Variants in AIG1 observed in about 807,000 individuals in gnomAD.
AIG1 encodes androgen induced 1.
Under a neutral mutation model 31.4 loss-of-function variants are expected in AIG1, and 23 were observed. The observed-to-expected ratio is 0.73, with a 90% confidence interval of 0.53 to 1.04. The LOEUF is 1.04. Among genes scored for constraint, AIG1 ranks in the 50% least tolerant of loss-of-function variants. The pLI is 0.00. For missense variants in AIG1, 274 were observed against 295.0 expected (o/e 0.93, Z 0.52); for synonymous variants, 100 against 110.5 (o/e 0.90, Z 0.60).
At chr6:143,343,120 GA>G, downstream of AIG1, 1 of 765,260 alleles carries the variant, frequency 1.3e-6, no homozygotes, top group Non-Finnish European at 2.4e-6. Context: ...TAAGATCCCA[GA>G]AGGGAGGCTT....
At chr6:143,076,431 T>A (rs1777732069) in intron 1 of AIG1, among the ~76,000 whole-genome samples, 1 of 152,180 alleles carries the variant, frequency 6.6e-6, no homozygotes, top group Non-Finnish European at 1.5e-5. Flanking sequence ...TTTTCCATAT[T>A]TTTACTTTTA....
intron 3 of AIG1, among the ~76,000 whole-genome samples, chr6:143,270,742 T>A (rs1796458666): frequency 1.3e-5 from 2 of 152,360 alleles, no homozygotes; most frequent in Non-Finnish European, 1.5e-5. Flanking sequence ...GTGATAGAGA[T>A]GACCTTGAAG....
At chr6:143,190,286 G>A (rs1016428372) in intron 3 of AIG1, 4 of 985,326 alleles carry the variant, frequency 4.1e-6, no homozygotes, top group African/African-American at 1.7e-5. Flanking sequence ...TGTAGGAGTC[G>A]AGAAACAGAA....
intron 3 of AIG1, among the ~76,000 whole-genome samples, chr6:143,193,889 A>G (rs774936414): frequency 3.9e-5 from 6 of 152,252 alleles, no homozygotes; most frequent in Non-Finnish European, 5.9e-5. Context: ...TCAGGGGTTT[A>G]GGAGGAAAGT....
intron 1 of AIG1, among the ~76,000 whole-genome samples, chr6:143,099,012 G>A (rs1468198598): frequency 6.6e-6 from 1 of 152,106 alleles, no homozygotes; most frequent in Non-Finnish European, 1.5e-5. Flanking sequence ...TCTTCATATT[G>A]ACTAAAGTGC....
chr6:143,229,766 G>A (rs570655617), intron 3 of AIG1, among the ~76,000 whole-genome samples: 9 of 107,834 alleles, frequency 8.3e-5, no homozygotes, highest in South Asian at 3.1e-4. Flanking sequence ...AATGCCTCTC[G>A]TTTCTGGACT....
At chr6:143,122,377 A>G (rs960289609) in intron 1 of AIG1, among the ~76,000 whole-genome samples, 5 of 152,162 alleles carry the variant, frequency 3.3e-5, no homozygotes, top group African/African-American at 1.2e-4. Context: ...GAATTTAAAC[A>G]TATACTTTGT....
chr6:143,084,247 G>A (rs1322531208), intron 1 of AIG1, among the ~76,000 whole-genome samples: 1 of 152,204 alleles, frequency 6.6e-6, no homozygotes, highest in East Asian at 1.9e-4. Context: ...AGTGGCTTCT[G>A]ACTCAGAGGA....
chr6:143,274,896 A>G (rs1435906005), intron 3 of AIG1, among the ~76,000 whole-genome samples: 2 of 152,218 alleles, frequency 1.3e-5, no homozygotes, highest in Non-Finnish European at 2.9e-5. Context: ...AAATATGATA[A>G]CAGTGGGAAA....
chr6:143,258,543 C>T lies in AIG1; in HGVS notation c.400-25567C>T, dbSNP rs1795523575. 6.6e-6 allele frequency among the ~76,000 whole-genome samples: 1 copy of T among 152,162 alleles called. No homozygotes were observed. Among genetic ancestry groups the T allele is most frequent in the Non-Finnish European group, 1.5e-5 (1 of 68,032 alleles). On this transcript the variant is annotated intron_variant, in intron 3 of 5. Coordinates refer to ENST00000357847, the MANE Select transcript of AIG1 (RefSeq NM_016108.4). The surrounding 1 kb of genome is among the most constrained non-coding windows in gnomAD (Gnocchi z 4.7). ...TTCTTGCAAATGCTTCTGACTGCAG[C>T]CTCTGCCAGCTAATGGAGGTATTTT...
At chr6:143,335,335 C>A (rs1353053235) in intron 5 of AIG1, 4 of 296,328 alleles carry the variant, frequency 1.3e-5, no homozygotes, top group Non-Finnish European at 2.5e-5. Flanking sequence ...AGATGGAGAC[C>A]ATCCTGGCCA....
At chr6:143,144,754 A>C (rs553305644) in intron 2 of AIG1, among the ~76,000 whole-genome samples, 1 of 152,144 alleles carries the variant, frequency 6.6e-6, no homozygotes, top group South Asian at 2.1e-4. Flanking sequence ...TATTTTATCC[A>C]TGATGATTAC....
At chr6:143,283,534 T>C (rs1178719495) in intron 3 of AIG1, among the ~76,000 whole-genome samples, 1 of 152,228 alleles carries the variant, frequency 6.6e-6, no homozygotes, top group Non-Finnish European at 1.5e-5. Flanking sequence ...TTTTAATAAA[T>C]GAAAGGTTGA....
chr6:143,237,563 G>T (rs1464768518), intron 3 of AIG1, among the ~76,000 whole-genome samples: 1 of 152,130 alleles, frequency 6.6e-6, no homozygotes, highest in African/African-American at 2.4e-5. Flanking sequence ...CCAATATTTA[G>T]TATGCATGTC....
At chr6:143,189,370 C>T (rs1789580290) in intron 3 of AIG1, 1 of 974,362 alleles carries the variant, frequency 1.0e-6, no homozygotes, top group Non-Finnish European at 1.2e-6. Context: ...GCATGAGCTA[C>T]CACACCCAGC....
rs780615123 is a variant in AIG1 at position 143,284,190 on chromosome 6, C to T, written c.480C>T (p.Thr160=). 49 of 1,613,646 alleles carry T rather than the reference C, an allele frequency of 3.0e-5. No homozygotes were observed. Among genetic ancestry groups the T allele is most frequent in the Non-Finnish European group, 3.6e-5 (43 of 1,179,768 alleles). ...ATCCCAGCAGGAGCAGCGGACTTAC[C>T]GCCATATGTACCTTCTCTGTTGGCT... The part of the protein sequence containing the change: ...HQYPSRSSGL[T]AICTFSVGYI... The change falls in exon 4 of 6, where the codon ACC becomes ACT. Residue 160 remains threonine (T), a synonymous_variant. Coordinates refer to ENST00000357847, the MANE Select transcript of AIG1 (RefSeq NM_016108.4). This position sits in a 1 kb window ranked among gnomAD's most constrained non-coding sequence, Gnocchi z 4.4.
intron 3 of AIG1, among the ~76,000 whole-genome samples, chr6:143,263,490 A>G (rs574108308): frequency 4.6e-5 from 7 of 152,136 alleles, no homozygotes; most frequent in Admixed American, 6.5e-5. Context: ...TCTTTAATGT[A>G]TGCTTTAAAA....
chr6:143,277,221 G>C (rs1352159292), intron 3 of AIG1, among the ~76,000 whole-genome samples: 2 of 152,122 alleles, frequency 1.3e-5, no homozygotes, highest in Admixed American at 6.5e-5. Flanking sequence ...TGTTCTATGG[G>C]GGGGTGAGAG....
At chr6:143,099,785 A>G (rs1359900018) in intron 1 of AIG1, 2 of 152,190 alleles carry the variant, frequency 1.3e-5, no homozygotes, top group African/African-American at 2.4e-5. Flanking sequence ...CTTCAGTACT[A>G]TGTAATTTGG....
Sources: gnomAD v4.1 joint callset for allele counts (sites outside exome capture counted in the v4.1 genomes callset) on GRCh38, gnomAD v4.1.1 for gene constraint, Gnocchi (gnomAD v3.1) non-coding constraint, MANE v1.5 for transcripts, NCBI Gene and HGNC (gene_info 2026-07-23, HGNC 2026-07-21) for gene names.